The following DRGX variants were observed in gnomAD, a reference collection of about 807,000 sequenced individuals.
DRGX encodes dorsal root ganglia homeobox protein.
DRGX carries 21 observed loss-of-function variants against 28.6 expected under a neutral mutation model. That is an observed-to-expected ratio of 0.73 (90% CI 0.52 to 1.06). The LOEUF (loss-of-function observed/expected upper bound fraction) is 1.06, where lower values mean the gene tolerates loss of function less well. Ranked by LOEUF, DRGX falls within the 50% of genes least tolerant of loss-of-function variation. The probability of loss-of-function intolerance (pLI) is 0.00; values close to 1 mark genes in which losing one functional copy is unlikely to be tolerated. For missense variants in DRGX, 354 were observed against 343.9 expected, an observed-to-expected ratio of 1.03 and a Z score of -0.23; for synonymous variants, 136 against 139.1, an observed-to-expected ratio of 0.98 and a Z score of 0.16.
intron 4 of DRGX, 74 bp downstream of exon 4, chr10:49,390,059 C>T: frequency 7.1e-7 from 1 of 1,412,672 alleles, no homozygotes; most frequent in Admixed American, 2.3e-5. Flanking sequence ...AATGTGCACT[C>T]TGCAGTCATG....
At chr10:49,387,007 G>A in intron 4 of DRGX, 149 bp from the exon 5 acceptor site, 1 of 898,538 alleles carries the variant, frequency 1.1e-6, no homozygotes, top group East Asian at 2.8e-5. Flanking sequence ...CCCACAGAGG[G>A]GTCAGAAGAT....
intron 2 of DRGX, among the ~76,000 whole-genome samples, chr10:49,392,722 G>T: frequency 6.6e-6 from 1 of 152,120 alleles, no homozygotes; most frequent in East Asian, 1.9e-4. Flanking sequence ...AAAAAGGGCT[G>T]ACAGTTCACC....
intron 2 of DRGX, among the ~76,000 whole-genome samples, chr10:49,393,689 T>A (rs1454339027): frequency 6.6e-6 from 1 of 152,222 alleles, no homozygotes; most frequent in East Asian, 1.9e-4. Flanking sequence ...TAAACTAAAC[T>A]AAATTACTCC....
rs1311348321 is a variant in DRGX, at chr10:49,385,104, C to A, written c.526+1374G>T. Among the ~76,000 whole-genome samples the A allele has an allele frequency of 2.0e-5, 3 of 152,190 alleles. No individual in the cohort carries two copies. The East Asian group carries it at 5.8e-4, about 29-fold the overall frequency. ...TGCCTGCACAACTGTAGCCCCTGAG[C>A]AGCCCACTGTGTCTTGTAAATATGT... On this transcript the variant is annotated intron_variant, in intron 6 of 6. Coordinates refer to ENST00000374139, the MANE Select transcript of DRGX (RefSeq NM_001276451.2).
At chr10:49,392,333 TC>T (rs1252150509) in intron 2 of DRGX, among the ~76,000 whole-genome samples, 1 of 152,188 alleles carries the variant, frequency 6.6e-6, no homozygotes, top group Non-Finnish European at 1.5e-5. Context: ...TAGAGGAAGT[TC>T]CTTTTAGTTA....
At chr10:49,394,266 G>C (rs934944225) in intron 2 of DRGX, among the ~76,000 whole-genome samples, 8 of 152,266 alleles carry the variant, frequency 5.3e-5, no homozygotes, top group African/African-American at 1.4e-4. Context: ...GGACTCTTAA[G>C]AGCTTTTATG....
rs1788011676 is a variant in DRGX, at chr10:49,386,992, T to A, written c.235-134A>T. The A allele has an allele frequency of 3.8e-6, 4 of 1,052,252 alleles. No homozygotes were observed. The African/African-American group carries it at 6.4e-5, about 17-fold the overall frequency. 65.2% of individuals were successfully genotyped at this position (1,052,252 alleles called of 1,614,324 possible). On this transcript the variant is annotated intron_variant, in intron 4 of 6. Coordinates refer to ENST00000374139, the MANE Select transcript of DRGX (RefSeq NM_001276451.2). Reference sequence around the variant, plus strand: ...ACACCATGCCCTCTGAACTGCAGCGTCAGGCCCACAGAGGGGTCAGAAGAT... The same window carrying A: ...ACACCATGCCCTCTGAACTGCAGCGACAGGCCCACAGAGGGGTCAGAAGAT...
At chr10:49,393,457 T>C (rs1435210268) in intron 2 of DRGX, among the ~76,000 whole-genome samples, 3 of 152,254 alleles carry the variant, frequency 2.0e-5, no homozygotes, top group African/African-American at 4.8e-5. Context: ...GTTTCTGTTG[T>C]ATTCAAACTT....
chr10:49,364,976 C>T lies in DRGX; in HGVS notation c.*1140G>A. ...CTATTGCACGTTCCCCTTGGATCTC[C>T]TCTAGGTCACCATCCTCACCAGAGA... On this transcript the variant is annotated 3_prime_UTR_variant, in exon 7 of 7. Coordinates refer to ENST00000374139, the MANE Select transcript of DRGX (RefSeq NM_001276451.2). 1 of 152,224 alleles carries T rather than the reference C, an allele frequency of 6.6e-6. No homozygotes were observed. Among genetic ancestry groups the T allele is most frequent in the East Asian group, 1.9e-4 (1 of 5,188 alleles). 9.4% of individuals were successfully genotyped at this position (152,224 alleles called of 1,614,324 possible).
chr10:49,386,439 T>C (rs1202397103), intron 6 of DRGX, 39 bp downstream of exon 6: 1 of 1,481,124 alleles, frequency 6.8e-7, no homozygotes, highest in Admixed American at 2.4e-5. Context: ...ACCAACCCCA[T>C]GAGGCCACGC....
chr10:49,390,196 A>G lies in DRGX; in HGVS notation c.171T>C (p.Tyr57=), dbSNP rs771385392. 9.9e-6 allele frequency: 16 copies of G among 1,613,038 alleles called. No individual in the cohort carries two copies. The highest frequency in any genetic ancestry group is 1.3e-5 in the Non-Finnish European group (15 of 1,179,560). ...GCTCTTCTCTGGTGAAGACATCTGG[A>G]TAGTGTGTTTGGGCAAAAACGGCCT... ...ALEAVFAQTH[Y]PDVFTREELA... Residue 57 remains tyrosine, a synonymous_variant, in exon 4 of 7, where the codon TAT becomes TAC. Coordinates refer to ENST00000374139, the MANE Select transcript of DRGX (RefSeq NM_001276451.2).
At position 49,391,196 on chromosome 10, in the gene DRGX, G is replaced by C; in HGVS notation, c.100C>G (p.Arg34Gly). Reference protein sequence around the residue: ...FDDGFLRRKQRRNRTTFTLQQ... With the variant: ...FDDGFLRRKQGRNRTTFTLQQ... The stretch of plus-strand genomic sequence containing the variant: ...AGAGTGAACGTCGTCCGGTTCCGGC[G>C]CTGTTTTCTACGCAGAAACCCGTCA... The change falls in exon 3 of 7, where the codon CGC becomes GGC. Residue 34 changes from arginine (R) to glycine (G), a missense_variant. Physicochemically the swap from Arg to Gly is moderately radical, Grantham distance 125. Transcript: ENST00000374139. 6.2e-7 allele frequency: 1 copy of C among 1,613,116 alleles called. No homozygotes were observed. Among genetic ancestry groups the C allele is most frequent in the Non-Finnish European group, 8.5e-7 (1 of 1,179,582 alleles).
Position 49,395,456 on chromosome 10 carries a change from C to G in DRGX, c.-16G>C. On this transcript the variant is annotated 5_prime_UTR_variant, in exon 2 of 7. Coordinates refer to ENST00000374139, the MANE Select transcript of DRGX (RefSeq NM_001276451.2). ...AATAAAACATCGCCGGCTGTCAGATCGGCTGGACGGCCGAGACCTGGGAGG... is the reference window on the plus strand; with the variant it reads ...AATAAAACATCGCCGGCTGTCAGATGGGCTGGACGGCCGAGACCTGGGAGG... 1 of 1,549,978 alleles carries G rather than the reference C, an allele frequency of 6.5e-7. No individual in the cohort carries two copies. The highest frequency in any genetic ancestry group is 8.7e-7 in the Non-Finnish European group (1 of 1,146,876).
chr10:49,379,281 G>A (rs1849748705), intron 6 of DRGX, among the ~76,000 whole-genome samples: 1 of 152,150 alleles, frequency 6.6e-6, no homozygotes, highest in East Asian at 1.9e-4. Flanking sequence ...TGAGTAAAAC[G>A]AGGCACATGG....
rs571366485 is a variant in DRGX at position 49,377,449 on chromosome 10, C to T, written c.526+9029G>A. Reference sequence around the variant, plus strand: ...CCACACCTCCCAGGACTCACACCCACGTGCAGTCCCCTCTGCCTGAGTCTG... The same window carrying T: ...CCACACCTCCCAGGACTCACACCCATGTGCAGTCCCCTCTGCCTGAGTCTG... On this transcript the variant is annotated intron_variant, in intron 6 of 6. Transcript: ENST00000374139. Among the ~76,000 whole-genome samples the T allele has an allele frequency of 2.6e-5, 4 of 152,378 alleles. No individual in the cohort carries two copies. The East Asian group carries it at 7.7e-4, about 29-fold the overall frequency.
rs529575183 is a variant in DRGX at position 49,378,252 on chromosome 10, T to TAA, written c.526+8224_526+8225dup. On this transcript the variant is annotated intron_variant, in intron 6 of 6. Coordinates refer to ENST00000374139, the MANE Select transcript of DRGX (RefSeq NM_001276451.2). ...ATATTTAATTGATAAAGGGTATCTT[T>TAA]AAAAAAAAAGGCAGCAAACACAACT... Among the ~76,000 whole-genome samples the TAA allele has an allele frequency of 5.9e-3, 885 of 151,138 alleles. 10 individuals carry two copies. Among genetic ancestry groups the TAA allele is most frequent in the African/African-American group, 0.02 (838 of 41,220 alleles).
Position 49,386,494 on chromosome 10 carries a change from A to G in DRGX, c.510T>C (p.His170=), listed in dbSNP as rs368235434. The G allele has an allele frequency of 2.3e-5, 36 of 1,577,024 alleles. No homozygotes were observed. The African/African-American group carries it at 4.1e-4, about 18-fold the overall frequency. Residue 170 remains histidine, a synonymous_variant, in exon 6 of 7, where the codon CAT becomes CAC. Transcript: ENST00000374139. ...NTATYAQALS[H]VASLKGGPLC... The stretch of plus-strand genomic sequence containing the variant: ...CAAACTCACCTTTGAGGGAAGCCAC[A>G]TGGGACAAGGCCTGGGCGTAGGTGG...
At chr10:49,375,855 C>G (rs1232217122) in intron 6 of DRGX, among the ~76,000 whole-genome samples, 1 of 152,184 alleles carries the variant, frequency 6.6e-6, no homozygotes, top group Non-Finnish European at 1.5e-5. Context: ...CTCCTTCCAG[C>G]AGCAGCCAGA....
At position 49,386,554 on chromosome 10, in the gene DRGX, G is replaced by C. The variant is rs1444975739; in HGVS notation, c.450C>G (p.Phe150Leu). Residue 150 changes from phenylalanine to leucine, a missense_variant, in exon 6 of 7, where the codon TTC (phenylalanine) becomes TTG (leucine). Physicochemically the swap from Phe to Leu is conservative, Grantham distance 22. Transcript: ENST00000374139. Reference sequence around the variant, plus strand: ...GGAGAGTCCCCGGCAAGCAGGAGGGGAAGAAAGGCCCTGCAGGACCTACCG... The same window carrying C: ...GGAGAGTCCCCGGCAAGCAGGAGGGCAAGAAAGGCCCTGCAGGACCTACCG... ...GRTVGPAGPFFPSCLPGTLLN... is the reference protein window; with the variant it reads ...GRTVGPAGPFLPSCLPGTLLN... The C allele has an allele frequency of 2.5e-6, 4 of 1,590,778 alleles. No homozygotes were observed. Among genetic ancestry groups the C allele is most frequent in the Non-Finnish European group, 3.4e-6 (4 of 1,168,592 alleles).
Sources: allele counts gnomAD v4.1 joint callset (sites outside exome capture counted in the v4.1 genomes callset), GRCh38; gene constraint gnomAD v4.1.1; transcripts MANE v1.5; gene names NCBI Gene and HGNC (gene_info 2026-07-23, HGNC 2026-07-21).